The following URI1 variants were observed in gnomAD, a reference collection of about 807,000 sequenced individuals.
URI1 encodes the protein URI1 prefoldin like chaperone.
URI1 carries 39 observed loss-of-function variants against 60.2 expected under a neutral mutation model. The ratio of observed to expected loss-of-function variants is 0.65; its 90% CI spans 0.50 to 0.85. URI1 has a LOEUF of 0.85. Ranked by LOEUF, URI1 falls within the 40% of genes least tolerant of loss-of-function variation. The pLI, the probability that URI1 is intolerant of heterozygous loss-of-function variation, is 0.00. For synonymous variants in URI1, 251 were observed against 236.8 expected (o/e 1.06, Z -0.55); for missense variants, 691 against 665.9 (o/e 1.04, Z -0.42).
In URI1 at chr19:29,975,653, G is replaced by A. The variant is rs917706990; in HGVS notation, c.152+4426G>A. 5.9e-5 allele frequency among the ~76,000 whole-genome samples: 9 copies of A among 152,204 alleles called. No homozygotes were observed. In the South Asian group the frequency reaches 8.3e-4, roughly 14 times the overall value. On this transcript the variant is annotated intron_variant, in intron 2 of 10. Coordinates refer to ENST00000392271, the MANE Select transcript of URI1 (RefSeq NM_003796.3). ...GAAGTAGCTGAGATTACAGGCGCGT[G>A]CCGCCATGCCCAGCTAATTTTTTTA...
intron 4 of URI1, among the ~76,000 whole-genome samples, chr19:29,989,216 T>G (rs1346787946): frequency 6.6e-6 from 1 of 151,464 alleles, no homozygotes; most frequent in Non-Finnish European, 1.5e-5. Context: ...GTTCGAGCAA[T>G]TCTCCTGCCT....
chr19:29,929,345 C>T lies in URI1; in HGVS notation c.63+5591C>T, dbSNP rs183020059. Reference sequence around the variant, plus strand: ...GGTGCGGTGACTCATGCCTGTAATCCCAGCACTTTGGGAGATTGAGGTGGG... The same window carrying T: ...GGTGCGGTGACTCATGCCTGTAATCTCAGCACTTTGGGAGATTGAGGTGGG... On this transcript the variant is annotated intron_variant, in intron 1 of 10. Transcript: ENST00000360605. Among the ~76,000 whole-genome samples, 960 of 151,436 alleles carry T rather than the reference C, an allele frequency of 6.3e-3. 4 individuals are homozygous for T. Among genetic ancestry groups the T allele is most frequent in the Non-Finnish European group, 0.01 (700 of 67,872 alleles).
chr19:29,995,550 C>G (rs1030854235), intron 4 of URI1, among the ~76,000 whole-genome samples: 1 of 13,630 alleles, frequency 7.3e-5, no homozygotes, highest in Admixed American at 6.8e-4. Context: ...TTTTGTCTTA[C>G]TTAAAAAAAA....
At chr19:29,998,617 T>G (rs907923845) in intron 4 of URI1, among the ~76,000 whole-genome samples, 1 of 152,212 alleles carries the variant, frequency 6.6e-6, no homozygotes, top group Non-Finnish European at 1.5e-5. Flanking sequence ...GATACTACTA[T>G]AGCTACTTCA....
chr19:29,948,037 T>C (rs1267309662), intron 1 of URI1, among the ~76,000 whole-genome samples: 2 of 152,210 alleles, frequency 1.3e-5, no homozygotes, highest in Non-Finnish European at 2.9e-5. Flanking sequence ...GGAAAGAGTG[T>C]CATGTCTCCA....
intron 4 of URI1, among the ~76,000 whole-genome samples, chr19:29,999,687 T>G (rs2055854367): frequency 6.6e-6 from 1 of 152,208 alleles, no homozygotes; most frequent in Non-Finnish European, 1.5e-5. Context: ...TCGTTGAGCT[T>G]CTTGGATTTG....
chr19:29,981,448 T>A (rs2055596394), intron 2 of URI1, among the ~76,000 whole-genome samples: 1 of 152,248 alleles, frequency 6.6e-6, no homozygotes, highest in East Asian at 1.9e-4. Flanking sequence ...GGCTAACTTG[T>A]GGTTGTGTTA....
At chr19:29,972,385 C>G (rs74549932) in intron 2 of URI1, among the ~76,000 whole-genome samples, 1,725 of 152,182 alleles carry the variant, frequency 0.011, 21 homozygotes, top group Middle Eastern at 0.034. Flanking sequence ...ACTTGAAATA[C>G]AAGTCGTTGG....
At chr19:29,963,875 A>G (rs1322923568) in intron 1 of URI1, among the ~76,000 whole-genome samples, 1 of 152,010 alleles carries the variant, frequency 6.6e-6, no homozygotes, top group African/African-American at 2.4e-5. Context: ...TGCTCACTAC[A>G]CCATATTTCC....
chr19:29,942,307 G>A lies in URI1; in HGVS notation c.-241G>A. 1 of 985,270 alleles carries A rather than the reference G, an allele frequency of 1.0e-6. No individual in the cohort carries two copies. The highest frequency in any genetic ancestry group is 1.2e-6 in the Non-Finnish European group (1 of 829,724). 61.0% of individuals were successfully genotyped at this position (985,270 alleles called of 1,614,324 possible). On this transcript the variant is annotated 5_prime_UTR_variant, in exon 1 of 11. Coordinates refer to ENST00000392271, the MANE Select transcript of URI1 (RefSeq NM_003796.3). Reference sequence around the variant, plus strand: ...CACCGGAGAGGCGTCTCGGTACCTGGCAGGCGGCCTGCTACTCGGAGCCCG... The same window carrying A: ...CACCGGAGAGGCGTCTCGGTACCTGACAGGCGGCCTGCTACTCGGAGCCCG...
At chr19:29,962,468 A>G (rs996339396) in intron 1 of URI1, among the ~76,000 whole-genome samples, 35 of 148,098 alleles carry the variant, frequency 2.4e-4, no homozygotes, top group African/African-American at 8.0e-4. Context: ...TAGAGATCAT[A>G]GCATTCATTC....
At chr19:29,941,341 T>C (rs894961945), upstream of URI1, among the ~76,000 whole-genome samples, 8 of 152,174 alleles carry the variant, frequency 5.3e-5, no homozygotes, top group African/African-American at 1.9e-4. Context: ...CCAGGTGTGG[T>C]AGCTCACACC....
chr19:29,959,432 A>G (rs2055293839), intron 1 of URI1, among the ~76,000 whole-genome samples: 2 of 152,166 alleles, frequency 1.3e-5, no homozygotes, highest in Non-Finnish European at 2.9e-5. Context: ...CCTGGCTCGT[A>G]CTGTTTCTAA....
chr19:29,935,700 C>CTTTTTTTTTTTT (rs34820413), intron 1 of URI1, among the ~76,000 whole-genome samples: 3 of 131,866 alleles, frequency 2.3e-5, no homozygotes, highest in South Asian at 2.6e-4. Context: ...GGTTGACAGT[C>CTTTTTTTTTTTT]TTTTTTTTTT....
chr19:29,982,284 G>T (rs759008473), intron 2 of URI1, among the ~76,000 whole-genome samples: 1 of 152,176 alleles, frequency 6.6e-6, no homozygotes, highest in Non-Finnish European at 1.5e-5. Flanking sequence ...ATTCCAGAGA[G>T]AATTATTAAT....
intron 4 of URI1, among the ~76,000 whole-genome samples, chr19:29,994,019 T>C (rs2145401619): frequency 6.6e-6 from 1 of 152,234 alleles, no homozygotes; most frequent in East Asian, 1.9e-4. Context: ...CTTCCTTTTT[T>C]TTTGCTGTTA....
intron 4 of URI1, among the ~76,000 whole-genome samples, chr19:29,987,743 A>C (rs1265502361): frequency 1.3e-5 from 2 of 152,258 alleles, no homozygotes; most frequent in African/African-American, 4.8e-5. Flanking sequence ...ATAGAGCTCT[A>C]GAGTAGAGAA....
chr19:29,981,016 C>G (rs974037872), intron 2 of URI1, among the ~76,000 whole-genome samples: 1 of 149,072 alleles, frequency 6.7e-6, no homozygotes, highest in African/African-American at 2.5e-5. Context: ...CTTATTGTTT[C>G]AACCTGATTT....
chr19:29,942,460 G>T lies in URI1; in HGVS notation c.-88G>T. 1.9e-6 allele frequency: 2 copies of T among 1,026,098 alleles called. No homozygotes were observed. Among genetic ancestry groups the T allele is most frequent in the Middle Eastern group, 4.7e-4 (1 of 2,136 alleles). The allele number at this position is 1,026,098 out of a possible 1,614,324, so 63.6% of individuals were successfully genotyped here. A position where few individuals can be genotyped will look rare whatever the true frequency, so the allele number is the denominator to read the frequency against. On this transcript the variant is annotated 5_prime_UTR_variant, in exon 1 of 11. Transcript: ENST00000392271. ...GGGCGCGCGGTGCCTGAGGGCGGGC[G>T]CGCGGGCGCTGGGCAACTGCCGGCC...
Sources: allele counts gnomAD v4.1 joint callset (sites outside exome capture counted in the v4.1 genomes callset), GRCh38; gene constraint gnomAD v4.1.1; transcripts MANE v1.5; gene names NCBI Gene and HGNC (gene_info 2026-07-23, HGNC 2026-07-21).